TTC39B: variants seen among roughly 807,000 people sequenced by gnomAD.
The protein encoded by TTC39B is tetratricopeptide repeat domain 39B.
Under a neutral mutation model 96.6 loss-of-function variants are expected in TTC39B, and 92 were observed. The ratio of observed to expected loss-of-function variants is 0.95; its 90% CI spans 0.80 to 1.13. The LOEUF is 1.13. Among genes scored for constraint, TTC39B ranks in the 50% most tolerant of loss-of-function variants. The pLI is 0.00. For missense variants in TTC39B, 955 were observed against 809.3 expected, an observed-to-expected ratio of 1.18 and a Z score of -2.18; for synonymous variants, 367 against 299.4, an observed-to-expected ratio of 1.23 and a Z score of -2.33.
At chr9:15,253,495 G>C (rs975487890) in intron 2 of TTC39B, among the ~76,000 whole-genome samples, 4 of 152,184 alleles carry the variant, frequency 2.6e-5, no homozygotes, top group African/African-American at 9.7e-5. Flanking sequence ...TTTTGACCTA[G>C]TGAAACCCAC....
At chr9:15,262,007 ATGCAACAGG>A (rs1428320722) in intron 2 of TTC39B, among the ~76,000 whole-genome samples, 1 of 152,230 alleles carries the variant, frequency 6.6e-6, no homozygotes, top group Non-Finnish European at 1.5e-5. Flanking sequence ...TCTATATATC[ATGCAACAGG>A]TCCTTAAGAG....
exon 10 of TTC39B, chr9:15,191,196 C>G: frequency 6.2e-7 from 1 of 1,606,046 alleles, no homozygotes; most frequent in Non-Finnish European, 8.5e-7. Context: ...GTACCCTATT[C>G]CCAGAAAATC....
At chr9:15,304,434 C>G (rs146607518) in intron 1 of TTC39B, among the ~76,000 whole-genome samples, 1,962 of 152,226 alleles carry the variant, frequency 0.013, 41 homozygotes, top group African/African-American at 0.044. Flanking sequence ...ATTTTTGCCT[C>G]CAATGAGGAT....
chr9:15,277,159 T>C (rs1453831963), intron 1 of TTC39B, among the ~76,000 whole-genome samples: 1 of 152,214 alleles, frequency 6.6e-6, no homozygotes, highest in Non-Finnish European at 1.5e-5. Flanking sequence ...CTGGGCGCAG[T>C]GGCTCATGCC....
At chr9:15,221,031 A>T (rs757552923) in intron 3 of TTC39B, among the ~76,000 whole-genome samples, 1 of 152,220 alleles carries the variant, frequency 6.6e-6, no homozygotes, top group East Asian at 1.9e-4. Flanking sequence ...CTGCATGCAC[A>T]TATCTGGTGA....
intron 1 of TTC39B, among the ~76,000 whole-genome samples, chr9:15,293,098 T>A (rs1174334187): frequency 6.6e-6 from 1 of 152,226 alleles, no homozygotes; most frequent in African/African-American, 2.4e-5. Flanking sequence ...TTTTTTATAT[T>A]GTATACCACA....
In TTC39B at chr9:15,193,205, C is replaced by T. The variant is rs527561354; in HGVS notation, c.825-510G>A. ...AAAGCAAAGGCCATCACAATGGCCC[C>T]ATCTGTCCTCTGCTTTCTTCCTGCT... On this transcript the variant is annotated intron_variant, in intron 8 of 19. Coordinates refer to ENST00000512701, the Ensembl canonical transcript of TTC39B. 5.3e-5 allele frequency among the ~76,000 whole-genome samples: 8 copies of T among 152,362 alleles called. No individual in the cohort carries two copies. In the South Asian group the frequency reaches 6.2e-4, roughly 12 times the overall value.
intron 4 of TTC39B, among the ~76,000 whole-genome samples, chr9:15,213,098 T>C (rs562939262): frequency 3.9e-5 from 6 of 152,132 alleles, no homozygotes; most frequent in East Asian, 1.9e-4. Flanking sequence ...GGTACAACTA[T>C]GGCTCATCAA....
chr9:15,225,537 T>C lies in TTC39B; in HGVS notation c.371+380A>G, dbSNP rs149390275. Among the ~76,000 whole-genome samples the C allele has an allele frequency of 5.3e-3, 814 of 152,314 alleles. 7 individuals are homozygous for C. Among genetic ancestry groups the C allele is most frequent in the African/African-American group, 0.019 (774 of 41,564 alleles). Reference sequence around the variant, plus strand: ...AAGACTGGAAGGAAATACACCAAAATTCTGTGTTCAAGTGATCATCATTAT... The same window carrying C: ...AAGACTGGAAGGAAATACACCAAAACTCTGTGTTCAAGTGATCATCATTAT... On this transcript the variant is annotated intron_variant, in intron 3 of 19. Transcript: ENST00000512701.
At chr9:15,273,468 A>G (rs12348997) in intron 1 of TTC39B, among the ~76,000 whole-genome samples, 39,546 of 151,856 alleles carry the variant, frequency 0.26, 9,314 homozygotes, top group African/African-American at 0.63. Context: ...CTCCTCCTCC[A>G]CATTCCTCCC....
rs147204819 is a variant in TTC39B at position 15,253,930 on chromosome 9, C to T, written c.275+13984G>A. On this transcript the variant is annotated intron_variant, in intron 2 of 19. Transcript: ENST00000512701. ...TTACTAAGAACCATACAAAGCAACA[C>T]ATCCCTGCACATGTGAACCTCTCCC... 9.9e-5 allele frequency among the ~76,000 whole-genome samples: 15 copies of T among 152,266 alleles called. No individual in the cohort carries two copies. The East Asian group carries it at 2.7e-3, about 27-fold the overall frequency.
At chr9:15,288,533 T>G (rs1026127880) in intron 1 of TTC39B, among the ~76,000 whole-genome samples, 1 of 152,100 alleles carries the variant, frequency 6.6e-6, no homozygotes, top group Non-Finnish European at 1.5e-5. Flanking sequence ...ATCTTCCCAC[T>G]CCATCCCCCT....
At chr9:15,173,345 CG>C (rs1452079408) in intron 19 of TTC39B, among the ~76,000 whole-genome samples, 2 of 152,122 alleles carry the variant, frequency 1.3e-5, no homozygotes. Flanking sequence ...CTACCATGCC[CG>C]TAAAGCTTTT....
chr9:15,271,348 T>C (rs1438167122), intron 1 of TTC39B, among the ~76,000 whole-genome samples: 2 of 152,144 alleles, frequency 1.3e-5, no homozygotes, highest in African/African-American at 2.4e-5. Flanking sequence ...ACCTCAAAGA[T>C]TATGATTTTG....
chr9:15,200,141 C>T (rs1819448819), intron 7 of TTC39B, among the ~76,000 whole-genome samples: 1 of 152,092 alleles, frequency 6.6e-6, no homozygotes, highest in East Asian at 1.9e-4. Context: ...AAAGAAAATA[C>T]TTGTAAAATC....
At chr9:15,207,183 G>T (rs1448817179) in intron 6 of TTC39B, among the ~76,000 whole-genome samples, 2 of 152,174 alleles carry the variant, frequency 1.3e-5, no homozygotes, top group Non-Finnish European at 2.9e-5. Flanking sequence ...GTCCTGGGCA[G>T]TTCTTTAGAG....
At chr9:15,251,608 C>G (rs1822541336) in intron 2 of TTC39B, among the ~76,000 whole-genome samples, 1 of 150,678 alleles carries the variant, frequency 6.6e-6, no homozygotes, top group Admixed American at 6.6e-5. Flanking sequence ...GAGATAACCA[C>G]TCTTAATGTT....
chr9:15,264,352 A>G (rs192439675), intron 2 of TTC39B, among the ~76,000 whole-genome samples: 9 of 151,972 alleles, frequency 5.9e-5, no homozygotes, highest in African/African-American at 1.9e-4. Flanking sequence ...CCACAGGAGG[A>G]AAAAAAATGG....
At chr9:15,198,241 G>A (rs797019579) in intron 8 of TTC39B, among the ~76,000 whole-genome samples, 7 of 152,032 alleles carry the variant, frequency 4.6e-5, no homozygotes, top group African/African-American at 1.7e-4. Flanking sequence ...GGTGGATCAC[G>A]AGGTCAGGAG....
Sources: allele counts gnomAD v4.1 joint callset (sites outside exome capture counted in the v4.1 genomes callset), GRCh38; gene constraint gnomAD v4.1.1; transcripts MANE v1.5; gene names NCBI Gene and HGNC (gene_info 2026-07-23, HGNC 2026-07-21).